Variants in DNMT1 observed in about 807,000 individuals in gnomAD.
DNMT1 encodes DNA methyltransferase 1, also known as DNA (cytosine-5)-methyltransferase 1.
In DNMT1, 24 loss-of-function variants were observed where a neutral mutation model predicts 205.3. The ratio of observed to expected loss-of-function variants is 0.12; its 90% CI spans 0.08 to 0.16. The LOEUF (loss-of-function observed/expected upper bound fraction) is 0.16. Among genes scored for constraint, DNMT1 ranks in the 10% least tolerant of loss-of-function variants. DNMT1 has a pLI of 1.00. For synonymous variants in DNMT1, 817 were observed against 839.8 expected (o/e 0.97, Z 0.47); for missense variants, 1,293 against 2,177.7 (o/e 0.59, Z 8.09).
At chr19:10,141,870 C>T (rs573376854) in intron 30 of DNMT1, 158 bp downstream of exon 30, 27 of 817,056 alleles carry the variant, frequency 3.3e-5, no homozygotes, top group East Asian at 1.3e-4. Context: ...CTCAGACCCC[C>T]GTAAAGCTCC....
intron 30 of DNMT1, 156 bp downstream of exon 30, chr19:10,141,872 T>C: frequency 1.2e-6 from 1 of 832,924 alleles, no homozygotes; most frequent in Non-Finnish European, 1.9e-6. Flanking sequence ...CAGACCCCCG[T>C]AAAGCTCCTG....
In DNMT1 at chr19:10,143,733, TGGCCTCGTGGAAGAACAGA is replaced by T. The variant is rs1169365875; in HGVS notation, c.3116+14_3116+32del. Reference sequence around the variant, plus strand: ...AGGCAGAGCCTTCTAGAAGAGTCTGTGGCCTCGTGGAAGAACAGAGGCCTCTGCTGACCTGTAGAACTTG... The same window carrying T: ...AGGCAGAGCCTTCTAGAAGAGTCTGTGGCCTCTGCTGACCTGTAGAACTTG... On this transcript the variant is annotated intron_variant, in intron 29 of 40. Transcript: ENST00000359526. 4.3e-6 allele frequency: 7 copies of T among 1,609,380 alleles called. No homozygotes were observed. The highest frequency in any genetic ancestry group is 5.1e-6 in the Non-Finnish European group (6 of 1,175,842).
Position 10,193,777 on chromosome 19 carries a change from C to T in DNMT1, c.80+1043G>A, listed in dbSNP as rs772431365. Among the ~76,000 whole-genome samples the T allele has an allele frequency of 8.5e-5, 13 of 152,228 alleles. 1 individual carries two copies. In the South Asian group the frequency reaches 2.1e-3, roughly 24 times the overall value. On this transcript the variant is annotated intron_variant, in intron 1 of 40. Transcript: ENST00000359526. The stretch of plus-strand genomic sequence containing the variant: ...GGCCCAACCAGGTCAGTTAACAAGC[C>T]TAAGGAAATAGAAAAATGGCAAAGA...
At chr19:10,145,177 C>G (rs540483910) in intron 28 of DNMT1, among the ~76,000 whole-genome samples, 1 of 152,342 alleles carries the variant, frequency 6.6e-6, no homozygotes, top group Non-Finnish European at 1.5e-5. Flanking sequence ...TGAAGAAGGC[C>G]TGCCGTTAGG....
chr19:10,157,291 T>C (rs1009593078), intron 17 of DNMT1, among the ~76,000 whole-genome samples: 2 of 152,180 alleles, frequency 1.3e-5, no homozygotes, highest in Non-Finnish European at 2.9e-5. Context: ...TGGTTAATTT[T>C]ATATTATACG....
chr19:10,166,319 T>C (rs904526232), intron 11 of DNMT1, among the ~76,000 whole-genome samples: 3 of 152,184 alleles, frequency 2.0e-5, no homozygotes, highest in Non-Finnish European at 4.4e-5. Flanking sequence ...CAGGAGAGGA[T>C]GCTTCATGCA....
chr19:10,159,627 G>A lies in DNMT1; in HGVS notation c.1280+31C>T, dbSNP rs368458126. The A allele has an allele frequency of 1.7e-5, 27 of 1,610,830 alleles. No individual in the cohort carries two copies. The highest frequency in any genetic ancestry group is 3.3e-5 in the Admixed American group (2 of 59,974). On this transcript the variant is annotated intron_variant, in intron 17 of 40. Coordinates refer to ENST00000359526, the MANE Select transcript of DNMT1 (RefSeq NM_001130823.3). This position sits in a 1 kb window ranked among gnomAD's most constrained non-coding sequence, Gnocchi z 5.0. ...CCTCTGGGGATGTGCCTCCTTCCAC[G>A]AAGCAAACATGCACACGAAAGTGCA...
At position 10,151,703 on chromosome 19, in the gene DNMT1, C is replaced by A. The variant is rs1200794403; in HGVS notation, c.2117+47G>T. 6.2e-7 allele frequency: 1 copy of A among 1,612,474 alleles called. No homozygotes were observed. Among genetic ancestry groups the A allele is most frequent in the Non-Finnish European group, 8.5e-7 (1 of 1,178,670 alleles). ...CCCTTCTCCACAGTGCATCTGCCAC[C>A]AGCTGGCAAGTCCTCTGCCACAGGA... is the stretch of plus-strand genomic sequence containing the variant. On this transcript the variant is annotated intron_variant, in intron 23 of 40. Coordinates refer to ENST00000359526, the MANE Select transcript of DNMT1 (RefSeq NM_001130823.3). The surrounding 1 kb of genome is among the most constrained non-coding windows in gnomAD (Gnocchi z 5.0).
At chr19:10,181,974 C>G in intron 2 of DNMT1, 67 bp downstream of exon 2, 1 of 1,427,642 alleles carries the variant, frequency 7.0e-7, no homozygotes, top group East Asian at 2.3e-5. Flanking sequence ...AAACAAATTT[C>G]TTTTTATGAG....
intron 9 of DNMT1, among the ~76,000 whole-genome samples, chr19:10,171,798 C>G (rs1012982428): frequency 1.4e-5 from 2 of 142,086 alleles, no homozygotes; most frequent in African/African-American, 2.7e-5. Context: ...GAGCGAGACT[C>G]CGTCTCAAAT....
rs759095657 is a variant in DNMT1, at chr19:10,194,802, C to G, written c.80+18G>C. On this transcript the variant is annotated intron_variant, in intron 1 of 40. Transcript: ENST00000359526. Reference sequence around the variant, plus strand: ...CTGCCTGTCCCCCTGAGTCCGTGTTCCCCCCCATGGTACCTACCGCCTGCG... The same window carrying G: ...CTGCCTGTCCCCCTGAGTCCGTGTTGCCCCCCATGGTACCTACCGCCTGCG... 2 of 1,609,242 alleles carry G rather than the reference C, an allele frequency of 1.2e-6. No individual in the cohort carries two copies. The highest frequency in any genetic ancestry group is 1.7e-6 in the Non-Finnish European group (2 of 1,178,046).
intron 1 of DNMT1, among the ~76,000 whole-genome samples, chr19:10,183,979 G>C (rs1344730106): frequency 6.6e-6 from 1 of 152,214 alleles, no homozygotes; most frequent in Non-Finnish European, 1.5e-5. Context: ...ACCTGAGCCT[G>C]GGAGGTCGAG....
At chr19:10,174,781 C>A (rs1280110030) in intron 7 of DNMT1, among the ~76,000 whole-genome samples, 1 of 151,738 alleles carries the variant, frequency 6.6e-6, no homozygotes, top group East Asian at 1.9e-4. Context: ...ACCTATAATC[C>A]TGGCACTTTG....
At chr19:10,155,275 T>C (rs1568235057) in intron 19 of DNMT1, among the ~76,000 whole-genome samples, 2 of 152,054 alleles carry the variant, frequency 1.3e-5, no homozygotes, top group Non-Finnish European at 2.9e-5. Flanking sequence ...TAGGCCTTCA[T>C]TGAGCTCATC....
In DNMT1 at chr19:10,146,489, C is replaced by T; in HGVS notation, c.2756G>A (p.Arg919Lys). The stretch of plus-strand genomic sequence containing the variant: ...CAGGACCCTGGGGATTTCTTTTTGC[C>T]TCATCTCAGCCAGACGGGCACAGCT... Reference protein sequence around the residue: ...CVSCARLAEMRQKEIPRVLEQ... With the variant: ...CVSCARLAEMKQKEIPRVLEQ... Residue 919 changes from arginine (R) to lysine (K), a missense_variant, in exon 28 of 41, where the codon AGG (arginine) becomes AAG (lysine). Coordinates refer to ENST00000359526, the MANE Select transcript of DNMT1 (RefSeq NM_001130823.3). The surrounding 1 kb of genome is among the most constrained non-coding windows in gnomAD (Gnocchi z 4.4). 6.2e-7 allele frequency: 1 copy of T among 1,614,102 alleles called. No individual in the cohort carries two copies. The highest frequency in any genetic ancestry group is 1.1e-5 in the South Asian group (1 of 91,078).
chr19:10,153,969 G>A (rs2038402299), intron 22 of DNMT1, among the ~76,000 whole-genome samples: 1 of 152,238 alleles, frequency 6.6e-6, no homozygotes, highest in Non-Finnish European at 1.5e-5. Context: ...TGCCCACTTA[G>A]ATGTGAATAC....
At chr19:10,161,962 T>G (rs1171464067) in intron 13 of DNMT1, among the ~76,000 whole-genome samples, 1 of 149,480 alleles carries the variant, frequency 6.7e-6, no homozygotes, top group East Asian at 2.0e-4. Context: ...CTGCCTCAGC[T>G]TCCCAAGCAG....
Position 10,138,614 on chromosome 19 carries a change from G to A in DNMT1, c.3949-9C>T, listed in dbSNP as rs762854714. 5.6e-6 allele frequency: 9 copies of A among 1,599,790 alleles called. No homozygotes were observed. In the East Asian group the frequency reaches 1.1e-4, roughly 20 times the overall value. On this transcript the variant is annotated splice_polypyrimidine_tract_variant and intron_variant, in intron 34 of 40. Transcript: ENST00000359526. The surrounding 1 kb of genome is among the most constrained non-coding windows in gnomAD (Gnocchi z 4.1). The stretch of plus-strand genomic sequence containing the variant: ...ACGCCGTACTGACCGGCCTGTGGGG[G>A]AGAAGGACGGACAACCCCACCGTCA...
intron 1 of DNMT1, among the ~76,000 whole-genome samples, chr19:10,192,159 G>A (rs1322817164): frequency 6.6e-6 from 1 of 151,984 alleles, no homozygotes; most frequent in Non-Finnish European, 1.5e-5. Context: ...CTTGGGCATG[G>A]TGGCATGTGC....
Sources: gnomAD v4.1 joint callset for allele counts (sites outside exome capture counted in the v4.1 genomes callset) on GRCh38, gnomAD v4.1.1 for gene constraint, Gnocchi (gnomAD v3.1) non-coding constraint, MANE v1.5 for transcripts, NCBI Gene and HGNC (gene_info 2026-07-23, HGNC 2026-07-21) for gene names.